AFF2: variants seen among roughly 807,000 people sequenced by gnomAD.
AFF2 encodes AF4/FMR2 family member 2.
Under a neutral mutation model 76.9 loss-of-function variants are expected in AFF2, and 14 were observed. That is an observed-to-expected ratio of 0.18 (90% confidence interval 0.12 to 0.28). AFF2 has a LOEUF of 0.28. Among genes scored for constraint, AFF2 ranks in the 10% least tolerant of loss-of-function variants. The probability of loss-of-function intolerance (pLI) is 1.00; values close to 1 mark genes in which losing one functional copy is unlikely to be tolerated. For missense variants in AFF2, 868 were observed against 1,001.1 expected (o/e 0.87, Z 1.79); for synonymous variants, 398 against 366.7 (o/e 1.09, Z -0.98).
At chrX:148,808,542 C>G (rs1167150602) in intron 3 of AFF2, among the ~76,000 whole-genome samples, 1 of 111,874 alleles carries the variant, frequency 8.9e-6, no homozygotes, top group Non-Finnish European at 1.9e-5. Context: ...AATTTGTCAT[C>G]CAAACTGGAG....
intron 3 of AFF2, among the ~76,000 whole-genome samples, chrX:148,755,321 C>G (rs374126346): frequency 5.4e-5 from 6 of 111,927 alleles, no homozygotes; most frequent in Admixed American, 4.8e-4. Flanking sequence ...AAAACGTTTC[C>G]CTTTTTTTTC....
At chrX:148,742,327 A>G (rs2055365884) in intron 3 of AFF2, among the ~76,000 whole-genome samples, 1 of 112,469 alleles carries the variant, frequency 8.9e-6, no homozygotes, top group African/African-American at 3.2e-5. Flanking sequence ...ATCTCTTACT[A>G]GTTTCTGGAT....
At chrX:148,575,052 A>AT (rs35989735) in intron 1 of AFF2, among the ~76,000 whole-genome samples, 2 of 107,122 alleles carry the variant, frequency 1.9e-5, no homozygotes, top group African/African-American at 3.4e-5. Flanking sequence ...TGAGAGTCAC[A>AT]TTTTTTTTTG....
intron 15 of AFF2, among the ~76,000 whole-genome samples, chrX:148,973,194 G>C (rs1374562137): frequency 9.0e-6 from 1 of 111,652 alleles, no homozygotes; most frequent in Non-Finnish European, 1.9e-5. Context: ...ATTGTCTTCT[G>C]TATCAGGGTT....
chrX:148,649,901 G>C (rs1177773299), intron 1 of AFF2, among the ~76,000 whole-genome samples: 1 of 111,717 alleles, frequency 9.0e-6, no homozygotes, highest in African/African-American at 3.3e-5. Context: ...ATTCTTAGCT[G>C]TCAGGTGCAC....
At chrX:148,949,696 G>C (rs1338291222) in intron 9 of AFF2, among the ~76,000 whole-genome samples, 1 of 112,534 alleles carries the variant, frequency 8.9e-6, no homozygotes, top group Non-Finnish European at 1.9e-5. Flanking sequence ...TTGTAGTGAA[G>C]TTACTGAGTA....
chrX:148,752,256 C>A (rs1429301673), intron 3 of AFF2, among the ~76,000 whole-genome samples: 1 of 112,052 alleles, frequency 8.9e-6, no homozygotes, highest in Non-Finnish European at 1.9e-5. Context: ...CTACCTTTGA[C>A]AACAGAGCAA....
intron 1 of AFF2, among the ~76,000 whole-genome samples, chrX:148,527,696 A>AT (rs782611068): frequency 9.0e-6 from 1 of 111,138 alleles, no homozygotes; most frequent in Non-Finnish European, 1.9e-5. Flanking sequence ...GGAAGTCTGA[A>AT]TTTTTTTTCA....
chrX:148,883,980 T>TAC (rs35575810), intron 7 of AFF2, among the ~76,000 whole-genome samples: 5,944 of 103,977 alleles, frequency 0.057, 168 homozygotes, highest in African/African-American at 0.1. Context: ...TGTATTGAGA[T>TAC]ACACACACAC....
intron 3 of AFF2, among the ~76,000 whole-genome samples, chrX:148,778,203 G>T (rs543089003): frequency 2.7e-5 from 3 of 111,607 alleles, no homozygotes; most frequent in Non-Finnish European, 5.6e-5. Flanking sequence ...GGATGAAGCC[G>T]ACTTGATCGT....
chrX:148,983,718 A>G lies in AFF2; in HGVS notation c.3623+2928A>G, dbSNP rs782387236. The stretch of plus-strand genomic sequence containing the variant: ...TAGCCATCCATCCTATCATTCCCCA[A>G]ATATTTATTGAGTGCCTACCTTGTG... On this transcript the variant is annotated intron_variant, in intron 19 of 20. Transcript: ENST00000370460. Among the ~76,000 whole-genome samples the G allele has an allele frequency of 1.9e-3, 202 of 109,072 alleles. 2 individuals carry two copies. The highest frequency in any genetic ancestry group is 2.5e-3 in the Non-Finnish European group (131 of 52,520). The allele number at this position is 109,072 out of a possible 115,157, so 94.7% of individuals were successfully genotyped here.
intron 3 of AFF2, among the ~76,000 whole-genome samples, chrX:148,680,376 G>T (rs191543517): frequency 8.9e-6 from 1 of 112,026 alleles, no homozygotes; most frequent in African/African-American, 3.2e-5. Flanking sequence ...ATAAAATCAG[G>T]GTATTGCATG....
At chrX:148,719,259 G>A (rs1482330215) in intron 3 of AFF2, 1 of 1,093,665 alleles carries the variant, frequency 9.1e-7, no homozygotes, top group Non-Finnish European at 1.2e-6. Context: ...GCTGTAGAAG[G>A]TCTACAATCA....
intron 16 of AFF2, among the ~76,000 whole-genome samples, chrX:148,974,445 T>C (rs1322270298): frequency 1.8e-5 from 2 of 111,636 alleles, no homozygotes; most frequent in East Asian, 5.6e-4. Flanking sequence ...AAAGTCCTTA[T>C]GTCCAGTCCC....
intron 9 of AFF2, among the ~76,000 whole-genome samples, chrX:148,936,199 T>A (rs1557285022): frequency 4.5e-5 from 5 of 111,270 alleles, no homozygotes; most frequent in Non-Finnish European, 1.9e-5. Flanking sequence ...TTACCTTGCG[T>A]TTTCTGTGAT....
At chrX:148,648,668 G>T (rs1383601341) in intron 1 of AFF2, among the ~76,000 whole-genome samples, 1 of 109,850 alleles carries the variant, frequency 9.1e-6, no homozygotes, top group African/African-American at 3.3e-5. Context: ...TAGTTAAATG[G>T]AACTTGTTCT....
At chrX:148,784,760 A>G (rs2069792364) in intron 3 of AFF2, among the ~76,000 whole-genome samples, 1 of 111,870 alleles carries the variant, frequency 8.9e-6, no homozygotes, top group Non-Finnish European at 1.9e-5. Context: ...AATTATTCAA[A>G]TAGTGGGGGC....
At chrX:148,702,034 T>TAAGA (rs1272755785) in intron 3 of AFF2, among the ~76,000 whole-genome samples, 1 of 112,326 alleles carries the variant, frequency 8.9e-6, no homozygotes, top group Non-Finnish European at 1.9e-5. Context: ...TAGGTTTCAT[T>TAAGA]TGATCTTAAG....
chrX:148,783,995 T>C (rs2069779965), intron 3 of AFF2, among the ~76,000 whole-genome samples: 1 of 111,886 alleles, frequency 8.9e-6, no homozygotes, highest in African/African-American at 3.3e-5. Flanking sequence ...TCCTTAGCTT[T>C]CTATAGTTCT....
Sources: gnomAD v4.1 joint callset for allele counts (sites outside exome capture counted in the v4.1 genomes callset) on GRCh38, gnomAD v4.1.1 for gene constraint, MANE v1.5 for transcripts, NCBI Gene and HGNC (gene_info 2026-07-23, HGNC 2026-07-21) for gene names.